Variants in ATP8B4 observed in about 807,000 individuals in gnomAD.
ATP8B4 encodes probable phospholipid-transporting ATPase IM.
Under a neutral mutation model 145.6 loss-of-function variants are expected in ATP8B4, and 133 were observed. The observed-to-expected ratio is 0.91, with a 90% confidence interval of 0.79 to 1.05. The LOEUF (loss-of-function observed/expected upper bound fraction) is 1.05, where lower values mean the gene tolerates loss of function less well. ATP8B4 is among the 50% of genes least tolerant of loss of function. ATP8B4 has a pLI of 0.00. For synonymous variants in ATP8B4, 507 were observed against 492.9 expected, an observed-to-expected ratio of 1.03 and a Z score of -0.38; for missense variants, 1,458 against 1,425.2, an observed-to-expected ratio of 1.02 and a Z score of -0.37.
intron 26 of ATP8B4, among the ~76,000 whole-genome samples, chr15:49,862,790 A>G (rs1205479850): frequency 6.6e-6 from 1 of 152,112 alleles, no homozygotes; most frequent in Non-Finnish European, 1.5e-5. Flanking sequence ...TGGATCACCT[A>G]ATGTCACCAT....
chr15:50,099,380 T>C (rs901579748), intron 2 of ATP8B4, among the ~76,000 whole-genome samples: 6 of 152,012 alleles, frequency 3.9e-5, no homozygotes, highest in Non-Finnish European at 8.8e-5. Flanking sequence ...CCTGGGTCCA[T>C]GTGATCCTCC....
At chr15:49,863,037 A>T (rs1422917709) in intron 26 of ATP8B4, among the ~76,000 whole-genome samples, 1 of 152,204 alleles carries the variant, frequency 6.6e-6, no homozygotes, top group East Asian at 1.9e-4. Context: ...CTATCACATC[A>T]AAGCTACACA....
At chr15:50,063,343 T>G (rs1002726709) in intron 3 of ATP8B4, among the ~76,000 whole-genome samples, 7 of 152,068 alleles carry the variant, frequency 4.6e-5, no homozygotes, top group African/African-American at 1.7e-4. Flanking sequence ...GGTTGCCCAT[T>G]AGAATCACTA....
chr15:49,866,264 TCTAC>T, intron 26 of ATP8B4, 78 bp downstream of exon 26: 1 of 1,508,888 alleles, frequency 6.6e-7, no homozygotes, highest in Non-Finnish European at 9.0e-7. Context: ...CATCCCCAGC[TCTAC>T]CTAACACAAA....
chr15:49,979,661 A>G lies in ATP8B4; in HGVS notation c.990T>C (p.Tyr330=). 2.5e-6 allele frequency: 4 copies of G among 1,602,144 alleles called. No homozygotes were observed. The highest frequency in any genetic ancestry group is 3.4e-6 in the Non-Finnish European group (4 of 1,171,500). Residue 330 remains tyrosine, a synonymous_variant, in exon 12 of 28, where the codon TAT becomes TAC. Coordinates refer to ENST00000284509, the MANE Select transcript of ATP8B4 (RefSeq NM_024837.4). ...GTACAACTGTATTGAGAATAATAAT[A>G]TATGACCAGAATGTTAAGAATCCGG... ...VFSGFLTFWS[Y]IIILNTVVPI...
At chr15:50,114,103 CTTTTTTTT>C (rs755159123) in intron 1 of ATP8B4, among the ~76,000 whole-genome samples, 3 of 55,654 alleles carry the variant, frequency 5.4e-5, no homozygotes, top group African/African-American at 6.7e-5. Flanking sequence ...CTCCTAGTTT[CTTTTTTTT>C]TTTTTTTTTT....
At chr15:50,135,083 G>A (rs2044103346) in intron 1 of ATP8B4, among the ~76,000 whole-genome samples, 1 of 152,198 alleles carries the variant, frequency 6.6e-6, no homozygotes, top group Admixed American at 6.5e-5. Flanking sequence ...CCTTAACTTA[G>A]AGCCTCAAAA....
At chr15:50,145,531 G>A (rs901807312) in intron 1 of ATP8B4, among the ~76,000 whole-genome samples, 2 of 152,090 alleles carry the variant, frequency 1.3e-5, no homozygotes, top group South Asian at 2.1e-4. Context: ...ATGTAGGTGC[G>A]TCACCCTATC....
chr15:50,012,492 G>T (rs1282102621), intron 6 of ATP8B4, among the ~76,000 whole-genome samples: 1 of 152,160 alleles, frequency 6.6e-6, no homozygotes, highest in Non-Finnish European at 1.5e-5. Flanking sequence ...AGTTCTGGAT[G>T]TTGACGCCGA....
chr15:49,934,085 G>T lies in ATP8B4; in HGVS notation c.1385C>A (p.Pro462His). 1 of 1,612,724 alleles carries T rather than the reference G, an allele frequency of 6.2e-7. No homozygotes were observed. The highest frequency in any genetic ancestry group is 8.5e-7 in the Non-Finnish European group (1 of 1,179,196). ...TAACCTAAGGAATTCATGAACTTTG[G>T]GATCACCCATTTTAATGGATTCCAT... The part of the protein sequence containing the change: ...HLMESIKMGD[P>H]KVHEFLRLLA... The change falls in exon 15 of 28, where the codon CCC becomes CAC. Residue 462 changes from proline to histidine, a missense_variant. By Grantham distance (77) the Pro-to-His change is moderately conservative. Transcript: ENST00000284509.
chr15:50,068,277 G>A (rs572344802), intron 3 of ATP8B4, among the ~76,000 whole-genome samples: 6 of 152,326 alleles, frequency 3.9e-5, no homozygotes, highest in Non-Finnish European at 7.3e-5. Flanking sequence ...TGGTGTGATT[G>A]TAGCACTGAC....
At chr15:49,978,607 T>C (rs902422266) in intron 12 of ATP8B4, among the ~76,000 whole-genome samples, 12 of 152,126 alleles carry the variant, frequency 7.9e-5, no homozygotes, top group Admixed American at 2.6e-4. Context: ...GTACTGATGA[T>C]GAGAACTGTC....
intron 23 of ATP8B4, chr15:49,885,679 C>T (rs1014937327): frequency 6.6e-6 from 1 of 152,120 alleles, no homozygotes; most frequent in Non-Finnish European, 1.5e-5. Flanking sequence ...CCTCATATTA[C>T]CTTAACCAGA....
rs1366826802 is a variant in ATP8B4 at position 50,070,152 on chromosome 15, ATCTT to A, written c.87+3971_87+3974del. ...CCTGTTTTAAGCTATCATTATCACT[ATCTT>A]TATTAATTATTATTAGCACTCTCCC... On this transcript the variant is annotated intron_variant, in intron 3 of 27. Transcript: ENST00000284509. Among the ~76,000 whole-genome samples, 4 of 152,298 alleles carry A rather than the reference ATCTT, an allele frequency of 2.6e-5. No homozygotes were observed. The East Asian group carries it at 7.7e-4, about 29-fold the overall frequency.
At chr15:50,136,606 TCTC>T (rs1341345242) in intron 1 of ATP8B4, among the ~76,000 whole-genome samples, 1 of 152,200 alleles carries the variant, frequency 6.6e-6, no homozygotes, top group Admixed American at 6.5e-5. Flanking sequence ...CTTCCTCCCT[TCTC>T]TCTTTTTGAA....
intron 6 of ATP8B4, among the ~76,000 whole-genome samples, chr15:50,019,163 T>G (rs1373160322): frequency 6.6e-6 from 1 of 152,172 alleles, no homozygotes; most frequent in Non-Finnish European, 1.5e-5. Flanking sequence ...GGCCAGAAAT[T>G]GGAATTTAAA....
chr15:50,139,804 T>G (rs17499837), intron 1 of ATP8B4, among the ~76,000 whole-genome samples: 1 of 152,068 alleles, frequency 6.6e-6, no homozygotes, highest in African/African-American at 2.4e-5. Context: ...AACCACTACA[T>G]CCTAAAGAAA....
At chr15:49,888,630 G>T (rs1304707104) in intron 23 of ATP8B4, among the ~76,000 whole-genome samples, 1 of 152,106 alleles carries the variant, frequency 6.6e-6, no homozygotes, top group East Asian at 1.9e-4. Flanking sequence ...AAGGCATAGG[G>T]TGCTTTTAAA....
At chr15:50,085,884 T>TGA (rs2054896037) in intron 2 of ATP8B4, among the ~76,000 whole-genome samples, 2 of 83,524 alleles carry the variant, frequency 2.4e-5, no homozygotes, top group South Asian at 7.1e-4. Flanking sequence ...TATTTATATA[T>TGA]TTATATATGA....
Sources: gnomAD v4.1 joint callset for allele counts (sites outside exome capture counted in the v4.1 genomes callset) on GRCh38, gnomAD v4.1.1 for gene constraint, MANE v1.5 for transcripts, NCBI Gene and HGNC (gene_info 2026-07-23, HGNC 2026-07-21) for gene names.